Variants in CCDC112 observed in about 807,000 individuals in gnomAD.
CCDC112 encodes the protein coiled-coil domain-containing protein 112.
A neutral mutation model predicts 66.3 loss-of-function variants in CCDC112; 40 were observed. The observed-to-expected ratio is 0.60, with a 90% confidence interval of 0.47 to 0.79. The LOEUF is 0.79. Among genes scored for constraint, CCDC112 ranks in the 30% least tolerant of loss-of-function variants. The pLI is 0.00. For missense variants in CCDC112, 659 were observed against 603.8 expected (o/e 1.09, Z -0.96); for synonymous variants, 214 against 197.2 (o/e 1.09, Z -0.71).
chr5:115,290,683 A>G (rs991210814), intron 1 of CCDC112, among the ~76,000 whole-genome samples: 2 of 152,180 alleles, frequency 1.3e-5, no homozygotes, highest in Admixed American at 6.5e-5. Context: ...GTTTTAGAGA[A>G]TAAGTTTTAT....
intron 1 of CCDC112, among the ~76,000 whole-genome samples, chr5:115,287,868 T>C (rs549243066): frequency 6.6e-6 from 1 of 152,054 alleles, no homozygotes; most frequent in Non-Finnish European, 1.5e-5. Flanking sequence ...ATTTTTCTTT[T>C]TGCTTCAAAA....
chr5:115,273,692 A>G (rs1749093146), intron 6 of CCDC112, among the ~76,000 whole-genome samples: 1 of 152,210 alleles, frequency 6.6e-6, no homozygotes, highest in Non-Finnish European at 1.5e-5. Context: ...TCATTAGCAG[A>G]ATAAACTAGA....
chr5:115,283,138 G>A (rs1749525068), intron 2 of CCDC112, among the ~76,000 whole-genome samples: 1 of 151,904 alleles, frequency 6.6e-6, no homozygotes, highest in Non-Finnish European at 1.5e-5. Flanking sequence ...TTCAAATTCT[G>A]AATACTAAAG....
chr5:115,286,635 G>A (rs1047999139), intron 1 of CCDC112, among the ~76,000 whole-genome samples: 1 of 152,080 alleles, frequency 6.6e-6, no homozygotes, highest in African/African-American at 2.4e-5. Flanking sequence ...GGCATAGTGG[G>A]GCCTGGTGGC....
Position 115,279,749 on chromosome 5 carries a change from CT to C in CCDC112, c.258del (p.Asp87IlefsTer20). 2.0e-6 allele frequency: 3 copies of C among 1,513,064 alleles called. No individual in the cohort carries two copies. The highest frequency in any genetic ancestry group is 1.1e-5 in the South Asian group (1 of 88,618). 93.7% of individuals were successfully genotyped at this position (1,513,064 alleles called of 1,614,324 possible). On this transcript the variant is annotated frameshift_variant, in exon 3 of 10. Transcript: ENST00000379611. LOFTEE classifies it high-confidence loss of function. The part of the protein sequence containing the change: ...KFKNQVINME[K>X]DKHSHFYNQK... The stretch of plus-strand genomic sequence containing the variant: ...TGGTTGTAGAAATGACTGTGTTTAT[CT>C]TTTTCCATGTTAATTACTCTTTAGG...
At chr5:115,268,187 A>C (rs1748830933) in intron 9 of CCDC112, among the ~76,000 whole-genome samples, 1 of 152,230 alleles carries the variant, frequency 6.6e-6, no homozygotes, top group Non-Finnish European at 1.5e-5. Context: ...TACTCTCCTT[A>C]TAAAAATAAA....
At chr5:115,279,171 T>C (rs1215791656) in intron 3 of CCDC112, among the ~76,000 whole-genome samples, 1 of 152,182 alleles carries the variant, frequency 6.6e-6, no homozygotes, top group Non-Finnish European at 1.5e-5. Context: ...AGTTTTAGAA[T>C]GTAGACAAGG....
chr5:115,285,128 A>G (rs1344255897), intron 1 of CCDC112, among the ~76,000 whole-genome samples: 1 of 152,196 alleles, frequency 6.6e-6, no homozygotes, highest in Admixed American at 6.5e-5. Context: ...AATGTTAAAT[A>G]TCCAGGGATT....
chr5:115,286,588 C>G (rs2127069941), intron 1 of CCDC112, among the ~76,000 whole-genome samples: 1 of 152,212 alleles, frequency 6.6e-6, no homozygotes, highest in Middle Eastern at 3.4e-3. Context: ...CATAAAGTAA[C>G]TATTTTTTTT....
At chr5:115,286,116 A>G (rs1254502196) in intron 1 of CCDC112, among the ~76,000 whole-genome samples, 15 of 152,208 alleles carry the variant, frequency 9.9e-5, no homozygotes. Flanking sequence ...TGTATTCACA[A>G]AGTTTTGTAA....
At chr5:115,271,750 G>T (rs1004174548) in intron 6 of CCDC112, 124 bp from the exon 7 acceptor site, 4 of 641,954 alleles carry the variant, frequency 6.2e-6, no homozygotes, top group South Asian at 3.4e-5. Context: ...TGGATGCTTA[G>T]GTTTTTCAGC....
chr5:115,278,269 T>C (rs1033659278), intron 3 of CCDC112, among the ~76,000 whole-genome samples: 2 of 152,128 alleles, frequency 1.3e-5, no homozygotes, highest in African/African-American at 4.8e-5. Flanking sequence ...TTCATTTGGA[T>C]AGATAGACAA....
chr5:115,293,989 T>C (rs558529314), intron 1 of CCDC112, among the ~76,000 whole-genome samples: 2 of 151,992 alleles, frequency 1.3e-5, no homozygotes, highest in Non-Finnish European at 2.9e-5. Flanking sequence ...AAGAAGGAAA[T>C]GACATTGGAG....
At chr5:115,279,459 G>A (rs529904970) in intron 3 of CCDC112, among the ~76,000 whole-genome samples, 188 bp downstream of exon 3, 1 of 152,132 alleles carries the variant, frequency 6.6e-6, no homozygotes, top group South Asian at 2.1e-4. Flanking sequence ...ATAGTGACCC[G>A]AAAGAATAAA....
At chr5:115,294,748 G>C (rs1185119652) in intron 1 of CCDC112, among the ~76,000 whole-genome samples, 5 of 152,156 alleles carry the variant, frequency 3.3e-5, no homozygotes, top group African/African-American at 1.2e-4. Flanking sequence ...TTCGGTGTTA[G>C]GCTGTAGAAT....
At position 115,267,262 on chromosome 5, in the gene CCDC112, G is replaced by GTT. The variant is rs1748775891; in HGVS notation, c.*613_*614insAA. 2.0e-5 allele frequency: 3 copies of GTT among 152,000 alleles called. No individual in the cohort carries two copies. Among genetic ancestry groups the GTT allele is most frequent in the Non-Finnish European group, 1.5e-5 (1 of 68,020 alleles). The allele number at this position is 152,000 out of a possible 1,614,324, so 9.4% of individuals were successfully genotyped here. A position where few individuals can be genotyped will look rare whatever the true frequency, so the allele number is the denominator to read the frequency against. Reference sequence around the variant, plus strand: ...GAAGGAAAATTTGGAATTGCTGAAGGAAACCAAAAAGATTATATCAATAAT... The same window carrying GTT: ...GAAGGAAAATTTGGAATTGCTGAAGGTTAAACCAAAAAGATTATATCAATAAT... On this transcript the variant is annotated 3_prime_UTR_variant, in exon 10 of 10. Coordinates refer to ENST00000379611, the MANE Select transcript of CCDC112 (RefSeq NM_001040440.3).
At chr5:115,272,441 G>T (rs1428426564) in intron 6 of CCDC112, among the ~76,000 whole-genome samples, 2 of 152,158 alleles carry the variant, frequency 1.3e-5, no homozygotes, top group African/African-American at 2.4e-5. Context: ...GTGTGGCATT[G>T]GATGAGCCAC....
chr5:115,278,788 C>T (rs1749317323), intron 3 of CCDC112, among the ~76,000 whole-genome samples: 1 of 151,914 alleles, frequency 6.6e-6, no homozygotes, highest in South Asian at 2.1e-4. Context: ...ATAGTGCAAC[C>T]TTGTATTTTG....
chr5:115,289,851 T>C (rs556474878), intron 1 of CCDC112, among the ~76,000 whole-genome samples: 10 of 152,236 alleles, frequency 6.6e-5, no homozygotes, highest in Non-Finnish European at 1.5e-4. Context: ...GCATGGCTAA[T>C]TTTTGTATTT....
Sources: allele counts gnomAD v4.1 joint callset (sites outside exome capture counted in the v4.1 genomes callset), GRCh38; gene constraint gnomAD v4.1.1; transcripts MANE v1.5; gene names NCBI Gene and HGNC (gene_info 2026-07-23, HGNC 2026-07-21).